Variants in MOCS1 observed in about 807,000 individuals in gnomAD.
MOCS1 encodes the protein molybdenum cofactor synthesis 1, also known as molybdenum cofactor biosynthesis protein 1.
In MOCS1, 39 loss-of-function variants were observed where a neutral mutation model predicts 57.6. That is an observed-to-expected ratio of 0.68 (90% CI 0.52 to 0.88). The LOEUF (loss-of-function observed/expected upper bound fraction) is 0.88. Among genes scored for constraint, MOCS1 ranks in the 40% least tolerant of loss-of-function variants. The pLI is 0.00. For synonymous variants in MOCS1, 334 were observed against 335.7 expected (o/e 1.00, Z 0.05); for missense variants, 795 against 831.1 (o/e 0.96, Z 0.53).
At position 39,905,656 on chromosome 6, in the gene MOCS1, C is replaced by T. The variant is rs771688692; in HGVS notation, c.*701G>A. The T allele has an allele frequency of 2.1e-6, 1 of 471,126 alleles. No individual in the cohort carries two copies. 29.2% of individuals were successfully genotyped at this position (471,126 alleles called of 1,614,324 possible). On this transcript the variant is annotated 3_prime_UTR_variant, in exon 11 of 11. Transcript: ENST00000340692. ...AGCCGTGAACAGGGCCAGGTGTGGG[C>T]TGTGTGGTCTGGCAGGAGTCCTTAG...
chr6:39,929,616 TGA>T (rs1359102732), intron 1 of MOCS1, among the ~76,000 whole-genome samples: 2 of 151,608 alleles, frequency 1.3e-5, no homozygotes, highest in African/African-American at 4.8e-5. Flanking sequence ...AGCAGAAACC[TGA>T]GAGCAAGCAG....
intron 9 of MOCS1, among the ~76,000 whole-genome samples, chr6:39,909,387 T>TGAAACAAAC (rs1295597667): frequency 5.9e-5 from 9 of 151,380 alleles, no homozygotes; most frequent in Non-Finnish European, 1.0e-4. Flanking sequence ...GAGAGTTCAC[T>TGAAACAAAC]GAAACAAACG....
rs772660626 is a variant in MOCS1, at chr6:39,909,964, G to T, written c.982-9C>A. The T allele has an allele frequency of 6.2e-7, 1 of 1,612,794 alleles. No homozygotes were observed. Among genetic ancestry groups the T allele is most frequent in the East Asian group, 2.2e-5 (1 of 44,872 alleles). On this transcript the variant is annotated splice_polypyrimidine_tract_variant and intron_variant, in intron 8 of 10. Coordinates refer to ENST00000340692, the MANE Select transcript of MOCS1 (RefSeq NM_001358530.2). The stretch of plus-strand genomic sequence containing the variant: ...TTTCCAAAGAGGCAGACCTACATGT[G>T]GGTGAGGACAATATGCCTTCCTTAC...
At position 39,906,991 on chromosome 6, in the gene MOCS1, C is replaced by G; in HGVS notation, c.1277G>C (p.Gly426Ala). ...FSSQVATLWK[G>A]CRVPQTPPLA... The stretch of plus-strand genomic sequence containing the variant: ...AGGAGGGGTCTGGGGGACCCTGCAT[C>G]CTTTCCATAAAGTGGCCACCTGGCT... The change falls in exon 11 of 11, where the codon GGA becomes GCA. Residue 426 changes from glycine (G) to alanine (A), a missense_variant. By Grantham distance (60) the Gly-to-Ala change is moderately conservative. This residue lies in a region of MOCS1 where 374 missense variants were observed against 422.6 expected (regional missense o/e 0.89). Transcript: ENST00000340692. 6.2e-7 allele frequency: 1 copy of G among 1,614,058 alleles called. No homozygotes were observed. The highest frequency in any genetic ancestry group is 8.5e-7 in the Non-Finnish European group (1 of 1,179,998).
chr6:39,923,173 G>A (rs1403536138), intron 3 of MOCS1, among the ~76,000 whole-genome samples: 4 of 152,198 alleles, frequency 2.6e-5, no homozygotes, highest in Non-Finnish European at 4.4e-5. Flanking sequence ...CACTGCAAGC[G>A]GGGCCTTGTC....
chr6:39,906,459 G>T lies in MOCS1; in HGVS notation c.1809C>A (p.Thr603=). 1 of 1,613,736 alleles carries T rather than the reference G, an allele frequency of 6.2e-7. No homozygotes were observed. Among genetic ancestry groups the T allele is most frequent in the Non-Finnish European group, 8.5e-7 (1 of 1,179,682 alleles). The change falls in exon 11 of 11, where the codon ACC becomes ACA. Residue 603 remains threonine (T), a synonymous_variant. Coordinates refer to ENST00000340692, the MANE Select transcript of MOCS1 (RefSeq NM_001358530.2). ...ALTSAAVAAL[T]LYDMCKAVSR... is the part of the protein sequence containing the mutation. The stretch of plus-strand genomic sequence containing the variant: ...TGACAGCCTTGCACATGTCATACAG[G>T]GTGAGGGCGGCCACTGCAGCAGAGG...
chr6:39,919,697 A>G (rs1300098352), intron 3 of MOCS1, among the ~76,000 whole-genome samples: 1 of 152,194 alleles, frequency 6.6e-6, no homozygotes, highest in East Asian at 1.9e-4. Context: ...CCAACAGAAC[A>G]AAGTAGAACT....
chr6:39,906,376 C>T lies in MOCS1; in HGVS notation c.1892G>A (p.Gly631Glu), dbSNP rs747494941. 4 of 1,596,072 alleles carry T rather than the reference C, an allele frequency of 2.5e-6. No homozygotes were observed. The highest frequency in any genetic ancestry group is 1.7e-5 in the Admixed American group (1 of 59,528). Residue 631 changes from glycine to glutamate, a missense_variant, in exon 11 of 11, where the codon GGG becomes GAG. Gly to Glu is a moderately conservative substitution (Grantham distance 98). This residue lies in a region of MOCS1 where 374 missense variants were observed against 422.6 expected (regional missense o/e 0.89). Transcript: ENST00000340692. The stretch of plus-strand genomic sequence containing the variant: ...CAGGTGCTAAGCCCGATGGAAGTCC[C>T]CCCGCTGACCACCAGTCTTGCTAAT... Reference protein sequence around the residue: ...KLISKTGGQRGDFHRA With the variant: ...KLISKTGGQREDFHRA
chr6:39,911,158 C>T (rs1767302444), intron 8 of MOCS1, among the ~76,000 whole-genome samples: 1 of 152,208 alleles, frequency 6.6e-6, no homozygotes, highest in Admixed American at 6.5e-5. Flanking sequence ...ATCCCACCTT[C>T]CATTTCCTGC....
At chr6:39,926,387 T>C (rs1484791136) in intron 2 of MOCS1, among the ~76,000 whole-genome samples, 1 of 151,962 alleles carries the variant, frequency 6.6e-6, no homozygotes, top group African/African-American at 2.4e-5. Flanking sequence ...GTTGGAAAAC[T>C]GAGATACTAC....
At chr6:39,911,747 C>T (rs1767342380) in intron 8 of MOCS1, among the ~76,000 whole-genome samples, 1 of 152,180 alleles carries the variant, frequency 6.6e-6, no homozygotes, top group African/African-American at 2.4e-5. Flanking sequence ...CTCTCACAGG[C>T]TATCTAGCCA....
At chr6:39,911,828 C>T (rs1454836923) in intron 8 of MOCS1, among the ~76,000 whole-genome samples, 1 of 152,204 alleles carries the variant, frequency 6.6e-6, no homozygotes, top group Non-Finnish European at 1.5e-5. Context: ...TCTGCATAGC[C>T]CTGACGAGAA....
chr6:39,914,297 A>G (rs1293544946), intron 4 of MOCS1, among the ~76,000 whole-genome samples: 1 of 152,218 alleles, frequency 6.6e-6, no homozygotes, highest in Non-Finnish European at 1.5e-5. Flanking sequence ...ACCCTCTTGT[A>G]GTCTACGGGA....
rs1768799947 is a variant in MOCS1, at chr6:39,934,324, G to A, written c.94C>T (p.Pro32Ser). The A allele has an allele frequency of 1.3e-6, 2 of 1,549,772 alleles. No homozygotes were observed. The highest frequency in any genetic ancestry group is 1.4e-5 in the African/African-American group (1 of 73,620). The change falls in exon 1 of 11, where the codon CCC (proline) becomes TCC (serine). Residue 32 changes from proline to serine, a missense_variant. Transcript: ENST00000340692. ...SSGAPVTQPC[P>S]GESARAASEE... is the part of the protein sequence containing the mutation. Reference sequence around the variant, plus strand: ...GAGGCAGCTCGCGCGGACTCCCCGGGGCAGGGCTGGGTCACCGGAGCCCCT... The same window carrying A: ...GAGGCAGCTCGCGCGGACTCCCCGGAGCAGGGCTGGGTCACCGGAGCCCCT...
chr6:39,909,964 G>A lies in MOCS1; in HGVS notation c.982-9C>T. ...TTTCCAAAGAGGCAGACCTACATGT[G>A]GGTGAGGACAATATGCCTTCCTTAC... On this transcript the variant is annotated splice_polypyrimidine_tract_variant and intron_variant, in intron 8 of 10. Transcript: ENST00000340692. 1 of 1,612,794 alleles carries A rather than the reference G, an allele frequency of 6.2e-7. No homozygotes were observed. The highest frequency in any genetic ancestry group is 8.5e-7 in the Non-Finnish European group (1 of 1,179,980).
At position 39,904,267 on chromosome 6, in the gene MOCS1, AAG is replaced by A; in HGVS notation, c.*2088_*2089del. The A allele has an allele frequency of 2.2e-6, 1 of 456,568 alleles. No homozygotes were observed. The highest frequency in any genetic ancestry group is 4.4e-6 in the Non-Finnish European group (1 of 226,938). 28.3% of individuals were successfully genotyped at this position (456,568 alleles called of 1,614,324 possible). ...CCAGAGCTCAGCCTTCTCACTCTAAAAGAAAGATATTTTTCTATTTATTTTCT... is the reference window on the plus strand; with the variant it reads ...CCAGAGCTCAGCCTTCTCACTCTAAAAAAGATATTTTTCTATTTATTTTCT... On this transcript the variant is annotated 3_prime_UTR_variant, in exon 11 of 11. Coordinates refer to ENST00000340692, the MANE Select transcript of MOCS1 (RefSeq NM_001358530.2).
rs536278543 is a variant in MOCS1 at position 39,905,368 on chromosome 6, G to C, written c.*989C>G. The stretch of plus-strand genomic sequence containing the variant: ...TTTTCCCATAGCGGGGCTATACAGA[G>C]AGTACACCCTTAGGCCTTTCCAGGT... On this transcript the variant is annotated 3_prime_UTR_variant, in exon 11 of 11. Coordinates refer to ENST00000340692, the MANE Select transcript of MOCS1 (RefSeq NM_001358530.2). The C allele has an allele frequency of 2.2e-6, 1 of 462,580 alleles. No homozygotes were observed. The highest frequency in any genetic ancestry group is 7.0e-5 in the East Asian group (1 of 14,384). The allele number at this position is 462,580 out of a possible 1,614,324, so 28.7% of individuals were successfully genotyped here. A position where few individuals can be genotyped will look rare whatever the true frequency, so the allele number is the denominator to read the frequency against.
In MOCS1 at chr6:39,905,666, T is replaced by A. The variant is rs772918202; in HGVS notation, c.*691A>T. ...AGGGCCAGGTGTGGGCTGTGTGGTC[T>A]GGCAGGAGTCCTTAGGGCTATGGCC... On this transcript the variant is annotated 3_prime_UTR_variant, in exon 11 of 11. Transcript: ENST00000340692. 2.1e-6 allele frequency: 1 copy of A among 471,076 alleles called. No homozygotes were observed. The highest frequency in any genetic ancestry group is 2.0e-5 in the African/African-American group (1 of 50,076). 29.2% of individuals were successfully genotyped at this position (471,076 alleles called of 1,614,324 possible). A position where few individuals can be genotyped will look rare whatever the true frequency, so the allele number is the denominator to read the frequency against.
At chr6:39,910,662 T>C (rs746724997) in intron 8 of MOCS1, among the ~76,000 whole-genome samples, 7 of 152,188 alleles carry the variant, frequency 4.6e-5, no homozygotes, top group Non-Finnish European at 8.8e-5. Flanking sequence ...GAGAAGCTTC[T>C]GCAGGCAGAG....
Sources: allele counts gnomAD v4.1 joint callset (sites outside exome capture counted in the v4.1 genomes callset), GRCh38; gene constraint gnomAD v4.1.1; regional missense constraint gnomAD v4.1.1; transcripts MANE v1.5; gene names NCBI Gene and HGNC (gene_info 2026-07-23, HGNC 2026-07-21).